Variants in FTO observed in about 807,000 individuals in gnomAD.
FTO encodes FTO alpha-ketoglutarate dependent dioxygenase, also known as alpha-ketoglutarate-dependent dioxygenase FTO.
A neutral mutation model predicts 63.9 loss-of-function variants in FTO; 47 were observed. The observed-to-expected ratio is 0.74, with a 90% CI of 0.58 to 0.94. FTO has a LOEUF of 0.94. Among genes scored for constraint, FTO ranks in the 40% least tolerant of loss-of-function variants. The pLI is 0.00. For synonymous variants in FTO, 207 were observed against 224.4 expected (o/e 0.92, Z 0.69); for missense variants, 562 against 618.1 (o/e 0.91, Z 0.96).
At chr16:53,924,926 A>G (rs902590547) in intron 7 of FTO, among the ~76,000 whole-genome samples, 1 of 152,158 alleles carries the variant, frequency 6.6e-6, no homozygotes, top group Non-Finnish European at 1.5e-5. Flanking sequence ...GCATTGAGCC[A>G]AAGAGGCCTC....
intron 1 of FTO, among the ~76,000 whole-genome samples, chr16:53,736,547 A>G (rs1764001538): frequency 6.6e-6 from 1 of 152,082 alleles, no homozygotes; most frequent in African/African-American, 2.4e-5. Flanking sequence ...CCTCTGCTTA[A>G]GTTTAGGGTG....
chr16:53,838,632 T>TCTTGG (rs1460642649), intron 3 of FTO, among the ~76,000 whole-genome samples: 1 of 152,132 alleles, frequency 6.6e-6, no homozygotes, highest in Non-Finnish European at 1.5e-5. Flanking sequence ...GTATCTTAGC[T>TCTTGG]CTTGGCTAAG....
intron 7 of FTO, among the ~76,000 whole-genome samples, chr16:53,921,238 A>T: frequency 6.6e-6 from 1 of 152,102 alleles, no homozygotes; most frequent in East Asian, 1.9e-4. Context: ...TTCAAAGGCC[A>T]TCCCTCCCTT....
intron 7 of FTO, 34 bp from the exon 8 acceptor site, chr16:53,933,951 T>C (rs2082333971): frequency 2.5e-6 from 4 of 1,608,562 alleles, no homozygotes; most frequent in East Asian, 4.5e-5. Flanking sequence ...AATTTTTCAC[T>C]TTTTCTTTCT....
intron 1 of FTO, among the ~76,000 whole-genome samples, chr16:53,781,896 A>G (rs1055063817): frequency 1.3e-5 from 2 of 152,166 alleles, no homozygotes; most frequent in African/African-American, 2.4e-5. Context: ...CTGCTGTGCT[A>G]CTTCTTGGCT....
intron 7 of FTO, among the ~76,000 whole-genome samples, chr16:53,915,244 T>TG (rs1326523093): frequency 1.3e-5 from 2 of 152,240 alleles, no homozygotes; most frequent in Admixed American, 6.5e-5. Flanking sequence ...TTAATGTCTC[T>TG]GAAGTGATCC....
intron 8 of FTO, chr16:54,040,279 T>A (rs1227893843): frequency 6.6e-6 from 1 of 152,222 alleles, no homozygotes; most frequent in Non-Finnish European, 1.5e-5. Context: ...AAAAGGTTTA[T>A]CAGTGGCTTT....
intron 1 of FTO, among the ~76,000 whole-genome samples, chr16:53,756,775 ATCTTG>A (rs1185450264): frequency 6.6e-6 from 1 of 152,190 alleles, no homozygotes; most frequent in Non-Finnish European, 1.5e-5. Flanking sequence ...GAATAGCAGG[ATCTTG>A]TCTTTTGTTC....
chr16:54,101,154 G>A (rs1315666986), intron 8 of FTO, among the ~76,000 whole-genome samples: 4 of 151,424 alleles, frequency 2.6e-5, no homozygotes, highest in Non-Finnish European at 5.9e-5. Flanking sequence ...TTTAGGTTTA[G>A]GGGTATGTGT....
intron 1 of FTO, among the ~76,000 whole-genome samples, chr16:53,798,258 A>G (rs1330430415): frequency 1.3e-5 from 2 of 152,018 alleles, no homozygotes; most frequent in Admixed American, 1.3e-4. Flanking sequence ...ACTTTATTTT[A>G]CTTTTTCAAA....
intron 8 of FTO, among the ~76,000 whole-genome samples, chr16:54,098,169 C>T (rs1325815688): frequency 6.6e-6 from 1 of 152,200 alleles, no homozygotes; most frequent in African/African-American, 2.4e-5. Context: ...CAGTTTAATT[C>T]ATCAGAAGAC....
At position 53,826,218 on chromosome 16, in the gene FTO, A is replaced by C. The variant is rs2079001835; in HGVS notation, c.478A>C (p.Lys160Gln). 2 of 1,614,218 alleles carry C rather than the reference A, an allele frequency of 1.2e-6. No homozygotes were observed. The highest frequency in any genetic ancestry group is 1.7e-6 in the Non-Finnish European group (2 of 1,180,038). The change falls in exon 3 of 9, where the codon AAA (lysine) becomes CAA (glutamine). Residue 160 changes from lysine to glutamine, a missense_variant. By Grantham distance (53) the Lys-to-Gln change is moderately conservative. Transcript: ENST00000471389. ...TIQALEELAA[K>Q]EKANEDAVPL... ...CCAGGCTTTGGAAGAACTTGCTGCC[A>C]AAGAGAAGGCTAATGAGGATGCTGT...
intron 8 of FTO, among the ~76,000 whole-genome samples, chr16:54,015,498 G>T (rs1391711493): frequency 6.6e-6 from 1 of 151,690 alleles, no homozygotes; most frequent in Non-Finnish European, 1.5e-5. Context: ...AAAAAATAAA[G>T]CTATCTCCAT....
intron 7 of FTO, among the ~76,000 whole-genome samples, chr16:53,908,658 G>T (rs2081600809): frequency 2.0e-5 from 3 of 152,182 alleles, no homozygotes; most frequent in Admixed American, 1.3e-4. Context: ...TCAGAGCCAT[G>T]CAGAATGTGG....
intron 8 of FTO, among the ~76,000 whole-genome samples, chr16:53,962,689 A>G (rs974133915): frequency 9.2e-5 from 14 of 152,220 alleles, no homozygotes; most frequent in African/African-American, 2.7e-4. Context: ...GAGGATTTAG[A>G]TTGCAAGTTG....
rs998979734 is a variant in FTO, at chr16:54,082,147, G to A, written c.1365-29615G>A. On this transcript the variant is annotated intron_variant, in intron 8 of 8. Transcript: ENST00000471389. The stretch of plus-strand genomic sequence containing the variant: ...TGTTATGAGGACTATATGATGTCAA[G>A]TAAAGGGACATGGCTTTTGTGAAAT... Among the ~76,000 whole-genome samples, 3 of 152,192 alleles carry A rather than the reference G, an allele frequency of 2.0e-5. No individual in the cohort carries two copies. The East Asian group carries it at 5.8e-4, about 29-fold the overall frequency.
At chr16:53,978,290 A>G (rs1466766080) in intron 8 of FTO, among the ~76,000 whole-genome samples, 1 of 152,188 alleles carries the variant, frequency 6.6e-6, no homozygotes, top group East Asian at 1.9e-4. Context: ...TGCACCCCCT[A>G]GTATGGAAAC....
At chr16:53,981,672 G>A (rs2083548628) in intron 8 of FTO, 4 of 152,316 alleles carry the variant, frequency 2.6e-5, no homozygotes, top group Admixed American at 2.6e-4. Flanking sequence ...TACTTTGGGA[G>A]GCCGAGGCGG....
At position 54,107,034 on chromosome 16, in the gene FTO, T is replaced by C. The variant is rs562519538; in HGVS notation, c.1365-4728T>C. 2.3e-4 allele frequency among the ~76,000 whole-genome samples: 34 copies of C among 146,466 alleles called. 1 individual carries two copies. In the East Asian group the frequency reaches 6.5e-3, roughly 28 times the overall value. On this transcript the variant is annotated intron_variant, in intron 8 of 8. Transcript: ENST00000471389. Reference sequence around the variant, plus strand: ...ATATTATACATAATATATAATAAAGTATATAGTATAAAATACGTATATATA... The same window carrying C: ...ATATTATACATAATATATAATAAAGCATATAGTATAAAATACGTATATATA...
Sources: allele counts gnomAD v4.1 joint callset (sites outside exome capture counted in the v4.1 genomes callset), GRCh38; gene constraint gnomAD v4.1.1; transcripts MANE v1.5; gene names NCBI Gene and HGNC (gene_info 2026-07-23, HGNC 2026-07-21).